The following CHODL variants were observed in gnomAD, a reference collection of about 807,000 sequenced individuals.
The protein encoded by CHODL is transmembrane protein MT75.
Under a neutral mutation model 34.5 loss-of-function variants are expected in CHODL, and 29 were observed. That is an observed-to-expected ratio of 0.84 (90% confidence interval 0.63 to 1.15). The LOEUF (loss-of-function observed/expected upper bound fraction) is 1.15, where lower values mean the gene tolerates loss of function less well. Ranked by LOEUF, CHODL falls within the 50% of genes most tolerant of loss-of-function variation. CHODL has a pLI of 0.00. For missense variants in CHODL, 332 were observed against 332.5 expected (o/e 1.00, Z 0.01); for synonymous variants, 125 against 116.1 (o/e 1.08, Z -0.49).
At chr21:18,132,233 A>G (rs2072665012) in intron 2 of CHODL, among the ~76,000 whole-genome samples, 1 of 151,922 alleles carries the variant, frequency 6.6e-6, no homozygotes, top group Non-Finnish European at 1.5e-5. Context: ...AAGAAAATAG[A>G]AAAAAAATGG....
chr21:18,060,063 A>G (rs909519061), intron 2 of CHODL, among the ~76,000 whole-genome samples: 12 of 152,088 alleles, frequency 7.9e-5, no homozygotes, highest in Admixed American at 2.0e-4. Flanking sequence ...CCAAGGTGCC[A>G]TCATTTATTT....
chr21:18,173,853 A>C (rs1444227322), intron 2 of CHODL, among the ~76,000 whole-genome samples: 3 of 151,850 alleles, frequency 2.0e-5, no homozygotes, highest in African/African-American at 4.8e-5. Context: ...TTTTAGATGT[A>C]AGTAAAGGCT....
chr21:17,918,562 C>A (rs1003998523), intron 1 of CHODL, among the ~76,000 whole-genome samples: 1 of 152,054 alleles, frequency 6.6e-6, no homozygotes, highest in South Asian at 2.1e-4. Context: ...TTAATCACTT[C>A]CCCCCGGGTT....
At chr21:18,261,005 G>A (rs1181371339) in intron 4 of CHODL, among the ~76,000 whole-genome samples, 2 of 152,138 alleles carry the variant, frequency 1.3e-5, no homozygotes, top group Admixed American at 6.5e-5. Context: ...TAAATTGCTT[G>A]AAGTCAAACA....
chr21:18,105,337 GC>G (rs2065260744), intron 2 of CHODL, among the ~76,000 whole-genome samples: 1 of 152,178 alleles, frequency 6.6e-6, no homozygotes, highest in African/African-American at 2.4e-5. Context: ...TACTAGACTT[GC>G]TTTGTTGCAG....
chr21:18,011,863 G>A lies in CHODL; in HGVS notation c.-144-16009G>A, dbSNP rs75345895. On this transcript the variant is annotated intron_variant, in intron 1 of 6. Coordinates refer to the CHODL transcript ENST00000400127. ...CTCCACAGATGTTGTGTACTGCAGA[G>A]TATTCTGTTCTGCAAAATCATTCTA... 5.6e-3 allele frequency among the ~76,000 whole-genome samples: 860 copies of A among 152,314 alleles called. 3 individuals are homozygous for A. The highest frequency in any genetic ancestry group is 0.014 in the Middle Eastern group (4 of 294).
At chr21:18,161,255 GT>G (rs1182318886) in intron 2 of CHODL, among the ~76,000 whole-genome samples, 1 of 152,086 alleles carries the variant, frequency 6.6e-6, no homozygotes, top group Admixed American at 6.5e-5. Context: ...TTTGGTACTG[GT>G]TTTTTGTAAA....
intron 2 of CHODL, among the ~76,000 whole-genome samples, chr21:18,044,035 G>A (rs962217080): frequency 6.6e-6 from 1 of 152,020 alleles, no homozygotes; most frequent in African/African-American, 2.4e-5. Context: ...TTCAAGATGA[G>A]ATTTGGGTAG....
At position 18,160,559 on chromosome 21, in the gene CHODL, G is replaced by A. The variant is rs142846967; in HGVS notation, c.-44-95950G>A. On this transcript the variant is annotated intron_variant, in intron 2 of 6. Transcript: ENST00000400127. The stretch of plus-strand genomic sequence containing the variant: ...TGTCCAAGTGTTCTCAACATTTAGC[G>A]TCCACGTATAAGTAAGAACATTCAG... 1.1e-4 allele frequency among the ~76,000 whole-genome samples: 16 copies of A among 151,978 alleles called. 1 individual carries two copies. In the East Asian group the frequency reaches 2.5e-3, roughly 24 times the overall value.
chr21:18,162,189 C>T (rs1373630276), intron 2 of CHODL, among the ~76,000 whole-genome samples: 1 of 152,124 alleles, frequency 6.6e-6, no homozygotes, highest in African/African-American at 2.4e-5. Flanking sequence ...AACAAAGCAC[C>T]ACAAAATGGG....
chr21:18,136,112 AAAAAAAG>A (rs1416416517), intron 2 of CHODL, among the ~76,000 whole-genome samples: 4 of 146,496 alleles, frequency 2.7e-5, no homozygotes, highest in South Asian at 2.2e-4. Flanking sequence ...TCTCAAAAAA[AAAAAAAG>A]AAAAAGAAAA....
chr21:18,102,354 C>A (rs1434647546), intron 2 of CHODL, among the ~76,000 whole-genome samples: 1 of 152,284 alleles, frequency 6.6e-6, no homozygotes, highest in African/African-American at 2.4e-5. Context: ...CAGTCCACTG[C>A]TGACTGAATG....
chr21:18,006,407 A>G (rs549489288), intron 1 of CHODL, among the ~76,000 whole-genome samples: 2 of 151,906 alleles, frequency 1.3e-5, no homozygotes, highest in East Asian at 3.9e-4. Flanking sequence ...CCTATCTTCC[A>G]CCCCAGATGG....
chr21:18,227,588 T>C (rs1316497898), intron 2 of CHODL, among the ~76,000 whole-genome samples: 3 of 152,106 alleles, frequency 2.0e-5, no homozygotes, highest in Non-Finnish European at 4.4e-5. Flanking sequence ...AGAAAATACA[T>C]ATATTCAAGT....
At chr21:17,942,577 A>AT (rs2063374400) in intron 1 of CHODL, among the ~76,000 whole-genome samples, 3 of 152,178 alleles carry the variant, frequency 2.0e-5, no homozygotes, top group African/African-American at 7.2e-5. Flanking sequence ...GACTAATAAT[A>AT]TATAGTACAA....
chr21:17,940,982 CTATT>C (rs1403654265), intron 1 of CHODL, among the ~76,000 whole-genome samples: 1 of 152,134 alleles, frequency 6.6e-6, no homozygotes, highest in African/African-American at 2.4e-5. Context: ...TTAAAGTAAA[CTATT>C]AATAAGAATT....
intron 2 of CHODL, among the ~76,000 whole-genome samples, chr21:18,128,206 C>T (rs1422981649): frequency 6.8e-6 from 1 of 146,022 alleles, no homozygotes; most frequent in African/African-American, 2.5e-5. Context: ...GAGGCCGAGG[C>T]AGGAGAATGG....
intron 1 of CHODL, among the ~76,000 whole-genome samples, chr21:17,988,402 T>TA (rs1555847366): frequency 1.1e-3 from 161 of 140,132 alleles, no homozygotes; most frequent in South Asian, 2.2e-3. Context: ...TTCCTTTTTT[T>TA]TTATTATTAT....
chr21:17,997,721 A>G (rs1456213249), intron 1 of CHODL, among the ~76,000 whole-genome samples: 1 of 152,178 alleles, frequency 6.6e-6, no homozygotes, highest in Non-Finnish European at 1.5e-5. Context: ...TGATATGCCC[A>G]TCGGATCTCC....
Sources: allele counts gnomAD v4.1 joint callset (sites outside exome capture counted in the v4.1 genomes callset), GRCh38; gene constraint gnomAD v4.1.1; transcripts MANE v1.5; gene names NCBI Gene and HGNC (gene_info 2026-07-23, HGNC 2026-07-21).